The following DNM2 variants were observed in gnomAD, a reference collection of about 807,000 sequenced individuals.
DNM2 encodes dynamin-2.
A neutral mutation model predicts 99.0 loss-of-function variants in DNM2; 15 were observed. The observed-to-expected ratio is 0.15, with a 90% CI of 0.10 to 0.23. The LOEUF is 0.23. Ranked by LOEUF, DNM2 falls within the 10% of genes least tolerant of loss-of-function variation. DNM2 has a pLI of 1.00. For missense variants in DNM2, 742 were observed against 1,189.4 expected (o/e 0.62, Z 5.53); for synonymous variants, 525 against 481.2 (o/e 1.09, Z -1.19).
At chr19:10,824,931 C>A (rs949186731) in intron 17 of DNM2, 126 bp from the exon 18 acceptor site, 4 of 1,481,952 alleles carry the variant, frequency 2.7e-6, no homozygotes. Context: ...TATCTGGTGC[C>A]AGTGGGGCTG....
rs1208746238 is a variant in DNM2 at position 10,816,894 on chromosome 19, C to T, written c.1672-3086C>T. ...TCTGAGAGTTGAAAGCCAGAGCCCCCGACCCTCCCGTGGAGCCCCACACTG... is the reference window on the plus strand; with the variant it reads ...TCTGAGAGTTGAAAGCCAGAGCCCCTGACCCTCCCGTGGAGCCCCACACTG... On this transcript the variant is annotated intron_variant, in intron 15 of 20. Coordinates refer to ENST00000389253, the MANE Select transcript of DNM2 (RefSeq NM_001005361.3). This position sits in a 1 kb window ranked among gnomAD's most constrained non-coding sequence, Gnocchi z 4.6. 6.6e-6 allele frequency among the ~76,000 whole-genome samples: 1 copy of T among 152,176 alleles called. No individual in the cohort carries two copies. The highest frequency in any genetic ancestry group is 2.4e-5 in the African/African-American group (1 of 41,442).
chr19:10,746,620 C>G (rs944540875), intron 1 of DNM2, among the ~76,000 whole-genome samples: 4 of 150,936 alleles, frequency 2.7e-5, no homozygotes, highest in Non-Finnish European at 5.9e-5. Context: ...GGGTTTCTCC[C>G]TGTTGGTCAG....
rs1166437787 is a variant in DNM2 at position 10,820,303 on chromosome 19, T to C, written c.1781+214T>C. On this transcript the variant is annotated intron_variant, in intron 16 of 20. Coordinates refer to ENST00000389253, the MANE Select transcript of DNM2 (RefSeq NM_001005361.3). The surrounding 1 kb of genome is among the most constrained non-coding windows in gnomAD (Gnocchi z 4.3). ...TGACCTCTCTGGGCAGAGATGAGGATGAAGGCAGGCTCCGAGTCAGTGGGA... is the reference window on the plus strand; with the variant it reads ...TGACCTCTCTGGGCAGAGATGAGGACGAAGGCAGGCTCCGAGTCAGTGGGA... Among the ~76,000 whole-genome samples the C allele has an allele frequency of 6.6e-6, 1 of 152,156 alleles. No individual in the cohort carries two copies. Among genetic ancestry groups the C allele is most frequent in the Non-Finnish European group, 1.5e-5 (1 of 68,016 alleles).
At chr19:10,807,099 G>A (rs2072363355) in intron 13 of DNM2, among the ~76,000 whole-genome samples, 1 of 152,096 alleles carries the variant, frequency 6.6e-6, no homozygotes, top group Admixed American at 6.6e-5. Flanking sequence ...TTGACACAGA[G>A]TCTCGCATTG....
At chr19:10,737,618 T>G (rs537141005) in intron 1 of DNM2, among the ~76,000 whole-genome samples, 1 of 152,146 alleles carries the variant, frequency 6.6e-6, no homozygotes, top group Admixed American at 6.5e-5. Flanking sequence ...CCCAAGTAGC[T>G]GGGATTACAG....
Position 10,799,537 on chromosome 19 carries a change from T to G in DNM2, c.1422+965T>G, listed in dbSNP as rs1028307712. On this transcript the variant is annotated intron_variant, in intron 11 of 20. Coordinates refer to ENST00000389253, the MANE Select transcript of DNM2 (RefSeq NM_001005361.3). Reference sequence around the variant, plus strand: ...GCTTTTTGTGTTGTGGTTTTTTGTTTTTTTTTTTTTTTTTGAGACAGAGTT... The same window carrying G: ...GCTTTTTGTGTTGTGGTTTTTTGTTGTTTTTTTTTTTTTTGAGACAGAGTT... Among the ~76,000 whole-genome samples the G allele has an allele frequency of 1.9e-4, 28 of 148,870 alleles. 1 individual carries two copies. The highest frequency in any genetic ancestry group is 6.3e-4 in the South Asian group (3 of 4,756).
At chr19:10,743,495 G>A (rs889626198) in intron 1 of DNM2, among the ~76,000 whole-genome samples, 11 of 151,300 alleles carry the variant, frequency 7.3e-5, no homozygotes, top group Non-Finnish European at 1.5e-4. Context: ...GCAAAACCCC[G>A]TCTCTACTAA....
At chr19:10,742,648 C>A (rs2069796598) in intron 1 of DNM2, among the ~76,000 whole-genome samples, 1 of 152,144 alleles carries the variant, frequency 6.6e-6, no homozygotes, top group African/African-American at 2.4e-5. Flanking sequence ...TCCAAGGTTT[C>A]CTTTCCTTGT....
At chr19:10,809,128 C>T (rs1231521964) in intron 14 of DNM2, 1 of 153,012 alleles carries the variant, frequency 6.5e-6, no homozygotes, top group African/African-American at 2.4e-5. Context: ...GCAATCCTAG[C>T]ATTCTTTCCA....
At position 10,831,061 on chromosome 19, in the gene DNM2, C is replaced by T. The variant is rs369529119; in HGVS notation, c.*14C>T. Reference sequence around the variant, plus strand: ...CTGCTCGACTAGGCCTCGAGGGGGGCGTGCTCTCGGGGGGGCCTCACGCAC... The same window carrying T: ...CTGCTCGACTAGGCCTCGAGGGGGGTGTGCTCTCGGGGGGGCCTCACGCAC... On this transcript the variant is annotated 3_prime_UTR_variant, in exon 21 of 21. Coordinates refer to ENST00000389253, the MANE Select transcript of DNM2 (RefSeq NM_001005361.3). This position sits in a 1 kb window ranked among gnomAD's most constrained non-coding sequence, Gnocchi z 4.3. 7.8e-5 allele frequency: 125 copies of T among 1,593,158 alleles called. No homozygotes were observed. Among genetic ancestry groups the T allele is most frequent in the Admixed American group, 7.3e-4 (42 of 57,662 alleles).
rs766222938 is a variant in DNM2, at chr19:10,830,078, G to C, written c.2292-49G>C. On this transcript the variant is annotated intron_variant, in intron 19 of 20. Coordinates refer to ENST00000389253, the MANE Select transcript of DNM2 (RefSeq NM_001005361.3). The surrounding 1 kb of genome is among the most constrained non-coding windows in gnomAD (Gnocchi z 4.8). ...TGGCAGCCACAGTGGCATGGCGGGGGCTCCTACTCCATCTGTATCTGTAGC... is the reference window on the plus strand; with the variant it reads ...TGGCAGCCACAGTGGCATGGCGGGGCCTCCTACTCCATCTGTATCTGTAGC... The C allele has an allele frequency of 8.7e-6, 14 of 1,613,436 alleles. No individual in the cohort carries two copies. The highest frequency in any genetic ancestry group is 1.2e-5 in the Non-Finnish European group (14 of 1,179,534).
chr19:10,748,786 A>T (rs879207496), intron 1 of DNM2, among the ~76,000 whole-genome samples: 1 of 151,914 alleles, frequency 6.6e-6, no homozygotes, highest in African/African-American at 2.4e-5. Flanking sequence ...GTGACTTTCA[A>T]CCCCTCTGGG....
chr19:10,729,160 G>A (rs1190433216), intron 1 of DNM2, among the ~76,000 whole-genome samples: 76 of 31,396 alleles, frequency 2.4e-3, no homozygotes, highest in Non-Finnish European at 3.1e-3. Context: ...GCGAGACTCC[G>A]TCTCAAAAAA....
chr19:10,732,717 A>T (rs1180257146), intron 1 of DNM2, among the ~76,000 whole-genome samples: 1 of 151,792 alleles, frequency 6.6e-6, no homozygotes, highest in Non-Finnish European at 1.5e-5. Context: ...TTATATATAT[A>T]TATATATTTC....
At chr19:10,756,707 T>A (rs1241576937) in intron 1 of DNM2, among the ~76,000 whole-genome samples, 2 of 152,088 alleles carry the variant, frequency 1.3e-5, no homozygotes, top group Non-Finnish European at 2.9e-5. Context: ...CCCAGAGCCT[T>A]GCAAGTGTCT....
chr19:10,799,128 G>A (rs1334171287), intron 11 of DNM2, among the ~76,000 whole-genome samples: 2 of 152,238 alleles, frequency 1.3e-5, no homozygotes, highest in Non-Finnish European at 2.9e-5. Flanking sequence ...TTGGGAGGGT[G>A]AGGTGGGAGG....
At chr19:10,822,880 G>T (rs1168027131) in intron 16 of DNM2, among the ~76,000 whole-genome samples, 1 of 151,786 alleles carries the variant, frequency 6.6e-6, no homozygotes, top group African/African-American at 2.4e-5. Context: ...GCCGAGGCAG[G>T]TAGGTCACGA....
intron 2 of DNM2, among the ~76,000 whole-genome samples, chr19:10,770,414 G>C (rs1216687503): frequency 1.3e-5 from 2 of 152,030 alleles, no homozygotes; most frequent in Admixed American, 1.3e-4. Context: ...TTCTTTCTTT[G>C]TTTTTCTTTT....
chr19:10,740,428 T>C (rs906879767), intron 1 of DNM2, among the ~76,000 whole-genome samples: 1 of 151,758 alleles, frequency 6.6e-6, no homozygotes, highest in African/African-American at 2.4e-5. Flanking sequence ...CAGGCTGGAG[T>C]GCAGTGGCAC....
Sources: allele counts gnomAD v4.1 joint callset (sites outside exome capture counted in the v4.1 genomes callset), GRCh38; gene constraint gnomAD v4.1.1; non-coding constraint Gnocchi (gnomAD v3.1); transcripts MANE v1.5; gene names NCBI Gene and HGNC (gene_info 2026-07-23, HGNC 2026-07-21).